DHX8: variants seen among roughly 807,000 people sequenced by gnomAD.
The protein encoded by DHX8 is ATP-dependent RNA helicase DHX8.
Under a neutral mutation model 140.7 loss-of-function variants are expected in DHX8, and 67 were observed. That is an observed-to-expected ratio of 0.48 (90% confidence interval 0.39 to 0.58). DHX8 has a LOEUF of 0.58. Among genes scored for constraint, DHX8 ranks in the 20% least tolerant of loss-of-function variants. The pLI, the probability that DHX8 is intolerant of heterozygous loss-of-function variation, is 0.00. For missense variants in DHX8, 887 were observed against 1,550.7 expected, an observed-to-expected ratio of 0.57 and a Z score of 7.19; for synonymous variants, 533 against 553.2, an observed-to-expected ratio of 0.96 and a Z score of 0.51.
At chr17:43,532,910 CA>C (rs2154587100) in intron 2 of DHX8, 12 of 1,588,986 alleles carry the variant, frequency 7.6e-6, no homozygotes, top group Non-Finnish European at 8.6e-6. Context: ...GAAGGAGTGG[CA>C]AATGTCCAGG....
intron 17 of DHX8, among the ~76,000 whole-genome samples, chr17:43,516,034 C>T (rs1970098046): frequency 6.6e-6 from 1 of 151,782 alleles, no homozygotes; most frequent in Non-Finnish European, 1.5e-5. Flanking sequence ...TTTTGAAAAA[C>T]AGAAGAAAAA....
chr17:43,536,680 T>TA (rs1271635410), intron 3 of DHX8, among the ~76,000 whole-genome samples: 3 of 152,270 alleles, frequency 2.0e-5, no homozygotes, highest in Non-Finnish European at 4.4e-5. Context: ...CTGATGAACT[T>TA]AAAATCACAA....
In DHX8 at chr17:43,492,989, A is replaced by G. The variant is rs756462291; in HGVS notation, c.812A>G (p.Lys271Arg). The change falls in exon 6 of 23, where the codon AAA becomes AGA. Residue 271 changes from lysine to arginine, a missense_variant. Physicochemically the swap from Lys to Arg is conservative, Grantham distance 26. Around this residue, in one of 9 missense-constraint regions of DHX8, gnomAD observed 304 missense variants for 306.9 expected, o/e 0.99. Transcript: ENST00000262415. ...ACCATTGGTGACATTTATAATGGCA[A>G]AGTTACCAGCATCATGCAGTTTGGT... is the stretch of plus-strand genomic sequence containing the variant. Reference protein sequence around the residue: ...EPTIGDIYNGKVTSIMQFGCF... With the variant: ...EPTIGDIYNGRVTSIMQFGCF... 9.9e-6 allele frequency: 16 copies of G among 1,614,090 alleles called. No individual in the cohort carries two copies. The highest frequency in any genetic ancestry group is 1.3e-5 in the African/African-American group (1 of 74,932).
chr17:43,507,441 G>A, intron 13 of DHX8, 62 bp from the exon 14 acceptor site: 2 of 1,481,664 alleles, frequency 1.3e-6, no homozygotes, highest in Admixed American at 1.9e-5. Context: ...CTGAAATCTT[G>A]CCTGGTGATT....
In DHX8 at chr17:43,508,238, A is replaced by G. The variant is rs1326703492; in HGVS notation, c.2321-101A>G. 1.1e-5 allele frequency: 16 copies of G among 1,452,410 alleles called. No individual in the cohort carries two copies. In the Admixed American group the frequency reaches 1.8e-4, roughly 16 times the overall value. The allele number at this position is 1,452,410 out of a possible 1,614,324, so 90.0% of individuals were successfully genotyped here. On this transcript the variant is annotated intron_variant, in intron 15 of 22. Transcript: ENST00000262415. Reference sequence around the variant, plus strand: ...TACTTACTGGTCAGAATATGAATGCATATGTTCTGTTATTTGAAGTTTTAT... The same window carrying G: ...TACTTACTGGTCAGAATATGAATGCGTATGTTCTGTTATTTGAAGTTTTAT...
rs754975019 is a variant in DHX8, at chr17:43,522,167, C to T, written c.3384C>T (p.Ile1128=). 31 of 1,613,914 alleles carry T rather than the reference C, an allele frequency of 1.9e-5. No homozygotes were observed. In the Admixed American group the frequency reaches 2.5e-4, roughly 13 times the overall value. ...CGCAGGAGGGTTACCGGACACTGAT[C>T]GACCAGCAGGTGGTCTATATCCATC... is the stretch of plus-strand genomic sequence containing the variant. ...KDPQEGYRTL[I]DQQVVYIHPS... is the part of the protein sequence containing the mutation. Residue 1128 remains isoleucine, a synonymous_variant, in exon 22 of 23, where the codon ATC becomes ATT. Coordinates refer to ENST00000262415, the MANE Select transcript of DHX8 (RefSeq NM_004941.3).
chr17:43,487,493 A>G (rs1265368877), intron 1 of DHX8, among the ~76,000 whole-genome samples: 2 of 152,164 alleles, frequency 1.3e-5, no homozygotes, highest in Non-Finnish European at 1.5e-5. Flanking sequence ...AGCTAGGACT[A>G]CAGATGCATA....
intron 4 of DHX8, among the ~76,000 whole-genome samples, chr17:43,491,696 G>A (rs538471027): frequency 6.6e-6 from 1 of 152,262 alleles, no homozygotes; most frequent in Non-Finnish European, 1.5e-5. Context: ...AGCCTTTGGA[G>A]ATTATATCCT....
chr17:43,524,448 A>G lies in DHX8; in HGVS notation c.*601A>G. 1.0e-6 allele frequency: 1 copy of G among 987,932 alleles called. No individual in the cohort carries two copies. The highest frequency in any genetic ancestry group is 1.2e-6 in the Non-Finnish European group (1 of 831,690). 61.2% of individuals were successfully genotyped at this position (987,932 alleles called of 1,614,324 possible). ...AATCCCCTGAATCCCCTGAAACCAG[A>G]ACGCAGGGCCTCTTTGCGCTCGGAA... On this transcript the variant is annotated 3_prime_UTR_variant, in exon 23 of 23. Transcript: ENST00000262415.
intron 2 of DHX8, among the ~76,000 whole-genome samples, chr17:43,535,722 C>T (rs1971206615): frequency 6.6e-6 from 1 of 152,278 alleles, no homozygotes; most frequent in Non-Finnish European, 1.5e-5. Context: ...CCAGTAGCAC[C>T]CCACCCTCAA....
At chr17:43,528,769 A>G, downstream of DHX8, 1 of 1,597,882 alleles carries the variant, frequency 6.3e-7, no homozygotes, top group Non-Finnish European at 8.6e-7. Context: ...AGGTCTGGTC[A>G]GCCTGGCTAG....
chr17:43,536,850 C>T (rs961649221), intron 3 of DHX8, among the ~76,000 whole-genome samples: 6 of 152,256 alleles, frequency 3.9e-5, no homozygotes, highest in African/African-American at 9.6e-5. Context: ...GTGTCTTCCA[C>T]CTCTGGGCTC....
At chr17:43,530,883 G>C (rs1339234135), downstream of DHX8, among the ~76,000 whole-genome samples, 1 of 152,114 alleles carries the variant, frequency 6.6e-6, no homozygotes, top group Non-Finnish European at 1.5e-5. Flanking sequence ...ACACCTCCGG[G>C]AGGAGGCGGG....
intron 9 of DHX8, among the ~76,000 whole-genome samples, chr17:43,498,570 C>T (rs1969008121): frequency 6.6e-6 from 1 of 151,994 alleles, no homozygotes; most frequent in Non-Finnish European, 1.5e-5. Flanking sequence ...CTGTCTCAGC[C>T]TCTTGAGTAG....
At chr17:43,511,233 G>A (rs1316423850) in intron 16 of DHX8, among the ~76,000 whole-genome samples, 1 of 151,952 alleles carries the variant, frequency 6.6e-6, no homozygotes, top group African/African-American at 2.4e-5. Context: ...GGGAGGCTGG[G>A]ACAGGAGAAT....
rs1053730638 is a variant in DHX8 at position 43,524,373 on chromosome 17, G to C, written c.*526G>C. On this transcript the variant is annotated 3_prime_UTR_variant, in exon 23 of 23. Coordinates refer to ENST00000262415, the MANE Select transcript of DHX8 (RefSeq NM_004941.3). ...GCCGAAAGGTTAGGATATTGGCCTG[G>C]GCTCAGGGTGAGGGAGATTTAGTAT... is the stretch of plus-strand genomic sequence containing the variant. The C allele has an allele frequency of 7.0e-6, 7 of 994,438 alleles. No homozygotes were observed. The highest frequency in any genetic ancestry group is 8.4e-6 in the Non-Finnish European group (7 of 835,660). The allele number at this position is 994,438 out of a possible 1,614,324, so 61.6% of individuals were successfully genotyped here.
At chr17:43,517,372 G>A (rs1487649709) in intron 18 of DHX8, 50 bp downstream of exon 18, 2 of 1,561,910 alleles carry the variant, frequency 1.3e-6, no homozygotes, top group Non-Finnish European at 1.7e-6. Context: ...GTCCAATCCT[G>A]GCCTTCATAA....
chr17:43,499,935 T>C (rs767028652), intron 10 of DHX8, 21 bp from the exon 11 acceptor site: 2 of 1,612,286 alleles, frequency 1.2e-6, no homozygotes, highest in Non-Finnish European at 1.7e-6. Context: ...ATCCATGTTG[T>C]TTTTTCTTCT....
chr17:43,532,787 A>G, intron 2 of DHX8: 1 of 1,613,874 alleles, frequency 6.2e-7, no homozygotes, highest in South Asian at 1.1e-5. Context: ...CTGTTCATAC[A>G]GGGGATCATG....
Sources: gnomAD v4.1 joint callset for allele counts (sites outside exome capture counted in the v4.1 genomes callset) on GRCh38, gnomAD v4.1.1 for gene constraint, gnomAD v4.1.1 regional missense constraint, MANE v1.5 for transcripts, NCBI Gene and HGNC (gene_info 2026-07-23, HGNC 2026-07-21) for gene names.